THEMIS: variants seen among roughly 807,000 people sequenced by gnomAD.
THEMIS encodes the protein thymocyte selection associated.
Under a neutral mutation model 52.6 loss-of-function variants are expected in THEMIS, and 37 were observed. The observed-to-expected ratio is 0.70, with a 90% CI of 0.54 to 0.93. THEMIS has a LOEUF of 0.93. Among genes scored for constraint, THEMIS ranks in the 40% least tolerant of loss-of-function variants. THEMIS has a pLI of 0.00. For missense variants in THEMIS, 808 were observed against 763.1 expected, an observed-to-expected ratio of 1.06 and a Z score of -0.69; for synonymous variants, 292 against 272.7, an observed-to-expected ratio of 1.07 and a Z score of -0.70.
chr6:127,717,822 CT>C (rs35369332), intron 5 of THEMIS, among the ~76,000 whole-genome samples: 54,009 of 146,402 alleles, frequency 0.37, 11,301 homozygotes, highest in Non-Finnish European at 0.5. Context: ...CTTAATTAGG[CT>C]TTTTTTTTTT....
chr6:127,906,857 C>A (rs139618706), intron 1 of THEMIS, among the ~76,000 whole-genome samples: 4 of 151,806 alleles, frequency 2.6e-5, no homozygotes, highest in Admixed American at 2.6e-4. Flanking sequence ...AGAAAAATGG[C>A]TCAAAGCAAA....
In THEMIS at chr6:127,709,905, CG is replaced by C. The variant is rs1357714455; in HGVS notation, c.*79del. On this transcript the variant is annotated 3_prime_UTR_variant, in exon 6 of 6. Transcript: ENST00000368248. ...CTTCTGGAGTCCATTGGGGAATACT[CG>C]TTTTTCAGCTAGAAGGCTAGCTTCT... 2 of 1,314,662 alleles carry C rather than the reference CG, an allele frequency of 1.5e-6. No individual in the cohort carries two copies. The highest frequency in any genetic ancestry group is 1.1e-6 in the Non-Finnish European group (1 of 940,506). 81.4% of individuals were successfully genotyped at this position (1,314,662 alleles called of 1,614,324 possible).
upstream of THEMIS, among the ~76,000 whole-genome samples, chr6:127,903,578 T>C (rs555909299): frequency 1.1e-3 from 169 of 151,942 alleles, 1 homozygote; most frequent in African/African-American, 3.9e-3. Context: ...AAATTAAATT[T>C]AAATAAAAAT....
In THEMIS at chr6:127,709,323, T is replaced by TC. The variant is rs1275482024; in HGVS notation, c.*661dup. On this transcript the variant is annotated 3_prime_UTR_variant, in exon 6 of 6. Transcript: ENST00000368248. ...ATCGTCTCAGAAATCTGGTGAAATT[T>TC]CAGTCATGAGCTTGTTGTTGGGTCA... 6.6e-6 allele frequency: 1 copy of TC among 152,058 alleles called. No individual in the cohort carries two copies. Among genetic ancestry groups the TC allele is most frequent in the Non-Finnish European group, 1.5e-5 (1 of 67,970 alleles). The allele number at this position is 152,058 out of a possible 1,614,324, so 9.4% of individuals were successfully genotyped here.
chr6:127,892,432 C>T (rs773299873), intron 1 of THEMIS, among the ~76,000 whole-genome samples: 3 of 152,178 alleles, frequency 2.0e-5, no homozygotes. Flanking sequence ...TGCTTCATGA[C>T]ACTTGTATAT....
intron 4 of THEMIS, among the ~76,000 whole-genome samples, chr6:127,791,836 C>G (rs1371836951): frequency 6.6e-6 from 1 of 152,200 alleles, no homozygotes; most frequent in Non-Finnish European, 1.5e-5. Context: ...AGCGTGCACA[C>G]ACCCAGCCGA....
intron 1 of THEMIS, among the ~76,000 whole-genome samples, chr6:127,889,677 A>G (rs1010457159): frequency 2.7e-5 from 4 of 147,694 alleles, no homozygotes; most frequent in Non-Finnish European, 4.6e-5. Flanking sequence ...ATTTAATATT[A>G]AAAATCCTAA....
chr6:127,899,278 G>T (rs1781063701), intron 1 of THEMIS, among the ~76,000 whole-genome samples: 2 of 151,718 alleles, frequency 1.3e-5, no homozygotes, highest in South Asian at 4.1e-4. Flanking sequence ...TAAAGTCTAT[G>T]AATATCTAAG....
At chr6:127,745,448 T>C (rs1369655748) in intron 4 of THEMIS, among the ~76,000 whole-genome samples, 1 of 151,904 alleles carries the variant, frequency 6.6e-6, no homozygotes, top group Non-Finnish European at 1.5e-5. Context: ...CTTTATGCTA[T>C]AATTTTACAT....
At chr6:127,737,512 T>A (rs896054054) in intron 4 of THEMIS, among the ~76,000 whole-genome samples, 8 of 152,194 alleles carry the variant, frequency 5.3e-5, no homozygotes, top group African/African-American at 1.7e-4. Context: ...AGTATTCTCA[T>A]CTAATCTTAG....
chr6:127,843,489 T>A (rs1779118540), intron 2 of THEMIS, among the ~76,000 whole-genome samples: 1 of 152,060 alleles, frequency 6.6e-6, no homozygotes, highest in African/African-American at 2.4e-5. Flanking sequence ...CATGAAAAGA[T>A]GTAAAATATT....
chr6:127,879,173 G>A lies in THEMIS; in HGVS notation c.91+21669C>T, dbSNP rs140426346. Among the ~76,000 whole-genome samples, 789 of 152,186 alleles carry A rather than the reference G, an allele frequency of 5.2e-3. 7 individuals are homozygous for A. The highest frequency in any genetic ancestry group is 0.017 in the African/African-American group (721 of 41,510). ...CTGAGGTATATTACATGAAAATTTCGGTGTTCTAATTATTGTTGACAGAAA... is the reference window on the plus strand; with the variant it reads ...CTGAGGTATATTACATGAAAATTTCAGTGTTCTAATTATTGTTGACAGAAA... On this transcript the variant is annotated intron_variant, in intron 1 of 5. Transcript: ENST00000368248.
In THEMIS at chr6:127,782,202, AT is replaced by A. The variant is rs1776768232; in HGVS notation, c.1758+30680del. On this transcript the variant is annotated intron_variant, in intron 4 of 5. Coordinates refer to ENST00000368248, the MANE Select transcript of THEMIS (RefSeq NM_001010923.3). ...TTAGACTGCTGTGCTGGTAGCGAGA[AT>A]TTCAAGCCAGTGGATGTTACCTTTT... 2.0e-5 allele frequency among the ~76,000 whole-genome samples: 3 copies of A among 152,164 alleles called. No homozygotes were observed. In the South Asian group the frequency reaches 6.2e-4, roughly 32 times the overall value.
At chr6:127,784,055 C>T (rs1280749491) in intron 4 of THEMIS, among the ~76,000 whole-genome samples, 1 of 152,260 alleles carries the variant, frequency 6.6e-6, no homozygotes, top group Non-Finnish European at 1.5e-5. Flanking sequence ...ACTATGCAGA[C>T]ATACAAAAGG....
intron 1 of THEMIS, among the ~76,000 whole-genome samples, chr6:127,891,584 G>A (rs369041179): frequency 6.6e-6 from 1 of 150,458 alleles, no homozygotes; most frequent in East Asian, 2.0e-4. Flanking sequence ...AGAAAGTCCT[G>A]ACATTTCTAC....
At chr6:127,915,815 C>T (rs1049944426) in intron 1 of THEMIS, among the ~76,000 whole-genome samples, 8 of 151,524 alleles carry the variant, frequency 5.3e-5, no homozygotes, top group Non-Finnish European at 1.0e-4. Flanking sequence ...GACGAAACCC[C>T]GTCTCTACTA....
intron 5 of THEMIS, 132 bp downstream of exon 5, chr6:127,719,556 G>T: frequency 1.5e-6 from 1 of 685,050 alleles, no homozygotes; most frequent in Non-Finnish European, 2.4e-6. Context: ...AATGTGATTG[G>T]CAGAGCAGGG....
Position 127,709,795 on chromosome 6 carries a change from T to C in THEMIS, c.*190A>G, listed in dbSNP as rs938500228. On this transcript the variant is annotated 3_prime_UTR_variant, in exon 6 of 6. Transcript: ENST00000368248. Reference sequence around the variant, plus strand: ...TTTAGACACAACAGAATAGACTATATGAATTCTATATCATAGGTTTCTGTA... The same window carrying C: ...TTTAGACACAACAGAATAGACTATACGAATTCTATATCATAGGTTTCTGTA... 1.3e-5 allele frequency: 7 copies of C among 551,492 alleles called. No homozygotes were observed. The highest frequency in any genetic ancestry group is 2.0e-5 in the African/African-American group (1 of 50,264). 34.2% of individuals were successfully genotyped at this position (551,492 alleles called of 1,614,324 possible).
chr6:127,717,661 T>A (rs1432223847), intron 5 of THEMIS, among the ~76,000 whole-genome samples: 1 of 151,820 alleles, frequency 6.6e-6, no homozygotes, highest in Non-Finnish European at 1.5e-5. Flanking sequence ...ACAGCAAAAT[T>A]TCAGTTGTTG....
Sources: gnomAD v4.1 joint callset for allele counts (sites outside exome capture counted in the v4.1 genomes callset) on GRCh38, gnomAD v4.1.1 for gene constraint, MANE v1.5 for transcripts, NCBI Gene and HGNC (gene_info 2026-07-23, HGNC 2026-07-21) for gene names.